PDK1: variants seen among roughly 807,000 people sequenced by gnomAD.
The protein encoded by PDK1 is [Pyruvate dehydrogenase (acetyl-transferring)] kinase isozyme 1, mitochondrial.
A neutral mutation model predicts 54.2 loss-of-function variants in PDK1; 39 were observed. The ratio of observed to expected loss-of-function variants is 0.72; its 90% CI spans 0.56 to 0.94. PDK1 has a LOEUF of 0.94. PDK1 is among the 40% of genes least tolerant of loss of function. The pLI, the probability that PDK1 is intolerant of heterozygous loss-of-function variation, is 0.00. For missense variants in PDK1, 552 were observed against 566.0 expected, an observed-to-expected ratio of 0.98 and a Z score of 0.25; for synonymous variants, 221 against 207.1, an observed-to-expected ratio of 1.07 and a Z score of -0.58.
chr2:172,626,761 T>TAAA, the PDK1 span, among the ~76,000 whole-genome samples: 1 of 149,420 alleles, frequency 6.7e-6, no homozygotes, highest in African/African-American at 2.5e-5. Context: ...CCACTGCACT[T>TAAA]AAAAAAAAAA....
chr2:172,555,866 G>A (rs577982073), upstream of PDK1: 931 of 300,874 alleles, frequency 3.1e-3, 10 homozygotes, highest in African/African-American at 0.017. Flanking sequence ...CTGGGCGGCG[G>A]CTGCGGCCTG....
chr2:172,609,953 C>T (rs924699985), downstream of PDK1, among the ~76,000 whole-genome samples: 1 of 152,096 alleles, frequency 6.6e-6, no homozygotes, highest in Non-Finnish European at 1.5e-5. Flanking sequence ...TCCCGAGTAG[C>T]TGGGACTACA....
chr2:172,630,090 G>C, the PDK1 span, among the ~76,000 whole-genome samples: 1 of 152,148 alleles, frequency 6.6e-6, no homozygotes, highest in Non-Finnish European at 1.5e-5. Flanking sequence ...CAGTAAATGA[G>C]GGTTGCTCTT....
chr2:172,588,168 GCAGA>G (rs749058694), intron 9 of PDK1, among the ~76,000 whole-genome samples: 12 of 152,198 alleles, frequency 7.9e-5, no homozygotes, highest in African/African-American at 2.4e-5. Flanking sequence ...ATGTCAAGGG[GCAGA>G]CAGACAATGT....
At chr2:172,568,350 AGAAG>A (rs1398260609) in intron 6 of PDK1, among the ~76,000 whole-genome samples, 4 of 148,504 alleles carry the variant, frequency 2.7e-5, no homozygotes, top group African/African-American at 1.0e-4. Context: ...AAAAAAAAAA[AGAAG>A]AAGAAGAATG....
At chr2:172,699,139 T>C in the PDK1 span, among the ~76,000 whole-genome samples, 1 of 152,242 alleles carries the variant, frequency 6.6e-6, no homozygotes, top group African/African-American at 2.4e-5. Flanking sequence ...ATAGCCATAA[T>C]AATAGCAAAC....
At chr2:172,621,589 T>TATATATC in the PDK1 span, among the ~76,000 whole-genome samples, 405 of 147,410 alleles carry the variant, frequency 2.7e-3, 2 homozygotes, top group Admixed American at 4.6e-3. Context: ...GATATATGTT[T>TATATATC]ATATATGATA....
the PDK1 span, among the ~76,000 whole-genome samples, chr2:172,720,342 C>T: frequency 0.36 from 55,104 of 151,852 alleles, 10,359 homozygotes; most frequent in Middle Eastern, 0.55. Flanking sequence ...CTTGAATTCC[C>T]GACTTCAAGT....
At chr2:172,713,831 TC>T in the PDK1 span, among the ~76,000 whole-genome samples, 1 of 152,018 alleles carries the variant, frequency 6.6e-6, no homozygotes, top group African/African-American at 2.4e-5. Flanking sequence ...TGTTCCCGGC[TC>T]CCCCGGCTCC....
intron 8 of PDK1, among the ~76,000 whole-genome samples, chr2:172,585,424 C>T (rs373107759): frequency 2.9e-5 from 4 of 138,754 alleles, no homozygotes; most frequent in East Asian, 2.2e-4. Flanking sequence ...CTCCTGGGTT[C>T]AAGCAATTGT....
At chr2:172,689,275 A>C in the PDK1 span, among the ~76,000 whole-genome samples, 1 of 152,196 alleles carries the variant, frequency 6.6e-6, no homozygotes, top group South Asian at 2.1e-4. Flanking sequence ...GCATTTTACA[A>C]ACCTCTTGTA....
chr2:172,581,573 T>C (rs1217496651), intron 8 of PDK1, among the ~76,000 whole-genome samples: 1 of 152,226 alleles, frequency 6.6e-6, no homozygotes, highest in Non-Finnish European at 1.5e-5. Flanking sequence ...TGTATTAGGC[T>C]CTGCCTTCAC....
chr2:172,632,341 T>C, the PDK1 span, among the ~76,000 whole-genome samples: 1 of 152,120 alleles, frequency 6.6e-6, no homozygotes, highest in Non-Finnish European at 1.5e-5. Flanking sequence ...TAGATTAATA[T>C]AGGAAAAAGG....
the PDK1 span, among the ~76,000 whole-genome samples, chr2:172,614,094 G>A: frequency 1.1e-4 from 17 of 152,072 alleles, no homozygotes; most frequent in Non-Finnish European, 1.6e-4. Context: ...GGGAGCTCGC[G>A]GGTGCAGCCG....
the PDK1 span, among the ~76,000 whole-genome samples, chr2:172,629,865 CTG>C: frequency 6.6e-6 from 1 of 152,186 alleles, no homozygotes; most frequent in Non-Finnish European, 1.5e-5. Context: ...GCTCCCCGTC[CTG>C]TGAAGGTTTG....
chr2:172,581,237 C>T (rs776851122), intron 8 of PDK1, among the ~76,000 whole-genome samples: 2 of 152,086 alleles, frequency 1.3e-5, no homozygotes, highest in Non-Finnish European at 2.9e-5. Context: ...ACTACAGGCG[C>T]CTGCTACCAC....
At chr2:172,589,639 G>A (rs1417853324) in intron 9 of PDK1, among the ~76,000 whole-genome samples, 2 of 152,190 alleles carry the variant, frequency 1.3e-5, no homozygotes, top group African/African-American at 4.8e-5. Context: ...ATTTGTACGG[G>A]CAAACAGAGA....
chr2:172,661,748 CATG>C, the PDK1 span, among the ~76,000 whole-genome samples: 1 of 152,156 alleles, frequency 6.6e-6, no homozygotes, highest in Admixed American at 6.5e-5. Context: ...GGGAGCTAGA[CATG>C]AGTTACACAT....
the PDK1 span, among the ~76,000 whole-genome samples, chr2:172,622,761 T>TA: frequency 6.8e-6 from 1 of 147,982 alleles, no homozygotes; most frequent in East Asian, 2.0e-4. Context: ...TTATATCTCA[T>TA]TATGTGAGAT....
Sources: allele counts gnomAD v4.1 joint callset (sites outside exome capture counted in the v4.1 genomes callset), GRCh38; gene constraint gnomAD v4.1.1; transcripts MANE v1.5; gene names NCBI Gene and HGNC (gene_info 2026-07-23, HGNC 2026-07-21).